Variants in CLEC4A observed in about 807,000 individuals in gnomAD.
The protein encoded by CLEC4A is C-type (calcium dependent, carbohydrate-recognition domain) lectin, superfamily member 6.
CLEC4A carries 27 observed loss-of-function variants against 32.7 expected under a neutral mutation model. The ratio of observed to expected loss-of-function variants is 0.83; its 90% CI spans 0.61 to 1.14. The LOEUF (loss-of-function observed/expected upper bound fraction) is 1.14. Among genes scored for constraint, CLEC4A ranks in the 50% most tolerant of loss-of-function variants. The probability of loss-of-function intolerance (pLI) is 0.00; values close to 1 mark genes in which losing one functional copy is unlikely to be tolerated. For missense variants in CLEC4A, 253 were observed against 274.6 expected (o/e 0.92, Z 0.55); for synonymous variants, 89 against 93.7 (o/e 0.95, Z 0.29).
the CLEC4A span, among the ~76,000 whole-genome samples, chr12:8,113,678 T>G: frequency 6.6e-6 from 1 of 152,214 alleles, no homozygotes; most frequent in Admixed American, 6.5e-5. Flanking sequence ...GATTTCTCTC[T>G]TCTTGGATCT....
Position 8,134,973 on chromosome 12 carries a change from G to GTTTTTTTTTTTTTTTT in CLEC4A, c.299-607_299-606insTTTTTTTTTTTTTTTT, listed in dbSNP as rs371181779. On this transcript the variant is annotated intron_variant, in intron 3 of 5. Coordinates refer to ENST00000229332, the MANE Select transcript of CLEC4A (RefSeq NM_016184.4). The stretch of plus-strand genomic sequence containing the variant: ...CATGTCTGTATCTTCTTGTTGAAGC[G>GTTTTTTTTTTTTTTTT]TTTTTGTTTTTTGTTTTTTTTTAAT... 2.3e-4 allele frequency: 74 copies of GTTTTTTTTTTTTTTTT among 318,778 alleles called. 6 individuals are homozygous for GTTTTTTTTTTTTTTTT. The highest frequency in any genetic ancestry group is 8.4e-4 in the African/African-American group (17 of 20,192). 19.7% of individuals were successfully genotyped at this position (318,778 alleles called of 1,614,324 possible).
At chr12:8,136,659 A>G in intron 4 of CLEC4A, 129 bp from the exon 5 acceptor site, 1 of 569,872 alleles carries the variant, frequency 1.8e-6, no homozygotes, top group East Asian at 2.9e-5. Flanking sequence ...AGAGATCCCC[A>G]TTCCTACGTA....
chr12:8,119,313 C>T (rs754383258), upstream of CLEC4A, among the ~76,000 whole-genome samples: 50 of 152,338 alleles, frequency 3.3e-4, no homozygotes, highest in Non-Finnish European at 5.9e-4. Flanking sequence ...CAACTTCTGC[C>T]TCCCAGGTTC....
intron 1 of CLEC4A, among the ~76,000 whole-genome samples, chr12:8,125,258 A>G (rs1947880875): frequency 6.6e-6 from 1 of 152,184 alleles, no homozygotes. Flanking sequence ...GAAAATTTGC[A>G]TATGTGTATA....
rs80299696 is a variant in CLEC4A at position 8,135,630 on chromosome 12, C to T, written c.344C>T (p.Ser115Phe). The T allele has an allele frequency of 6.2e-7, 1 of 1,614,176 alleles. No homozygotes were observed. The highest frequency in any genetic ancestry group is 2.2e-5 in the East Asian group (1 of 44,886). ...CCPKNWKSFS[S>F]NCYFISTESA... is the part of the protein sequence containing the mutation. ...CCAAAGAATTGGAAGTCATTTAGTT[C>T]CAACTGCTACTTTATTTCTACTGAA... The change falls in exon 4 of 6, where the codon TCC (serine) becomes TTC (phenylalanine). Residue 115 changes from serine (S) to phenylalanine (F), a missense_variant. Coordinates refer to ENST00000229332, the MANE Select transcript of CLEC4A (RefSeq NM_016184.4).
upstream of CLEC4A, among the ~76,000 whole-genome samples, chr12:8,118,854 G>T (rs1947809466): frequency 6.6e-6 from 1 of 152,154 alleles, no homozygotes; most frequent in East Asian, 1.9e-4. Flanking sequence ...CTTTGTGGAT[G>T]GAATTAAGGC....
chr12:8,117,181 A>G, the CLEC4A span, among the ~76,000 whole-genome samples: 3 of 150,860 alleles, frequency 2.0e-5, no homozygotes, highest in Non-Finnish European at 1.5e-5. Flanking sequence ...AGAAGCAACT[A>G]TTCTACTCTA....
rs1948047802 is a variant in CLEC4A at position 8,134,070 on chromosome 12, G to T, written c.299-1515G>T. The T allele has an allele frequency of 8.2e-6, 13 of 1,590,472 alleles. No homozygotes were observed. In the Admixed American group the frequency reaches 2.3e-4, roughly 28 times the overall value. On this transcript the variant is annotated intron_variant, in intron 3 of 5. Coordinates refer to ENST00000229332, the MANE Select transcript of CLEC4A (RefSeq NM_016184.4). ...TCCAGCCCAAGCTGCTGGGCGATGTGGCTGATCTGCTGCAGTGTGGGTTTC... is the reference window on the plus strand; with the variant it reads ...TCCAGCCCAAGCTGCTGGGCGATGTTGCTGATCTGCTGCAGTGTGGGTTTC...
chr12:8,124,095 G>A, intron 1 of CLEC4A, 135 bp downstream of exon 1: 1 of 654,310 alleles, frequency 1.5e-6, no homozygotes, highest in Middle Eastern at 2.5e-4. Context: ...AGTCCCAGAA[G>A]ATTGAGTGGC....
chr12:8,110,452 T>G, the CLEC4A span, among the ~76,000 whole-genome samples: 1 of 152,190 alleles, frequency 6.6e-6, no homozygotes, highest in Non-Finnish European at 1.5e-5. Context: ...ACCGATCTAA[T>G]TATATGCTGC....
chr12:8,134,129 C>G, intron 3 of CLEC4A: 1 of 1,602,416 alleles, frequency 6.2e-7, no homozygotes, highest in Non-Finnish European at 8.5e-7. Context: ...CAGGTTGCCT[C>G]TCACTTGGTT....
chr12:8,115,423 T>A, the CLEC4A span, among the ~76,000 whole-genome samples: 1 of 152,108 alleles, frequency 6.6e-6, no homozygotes, highest in Non-Finnish European at 1.5e-5. Context: ...AGTTCCCAGG[T>A]GATGTTGTTG....
chr12:8,116,307 G>T, the CLEC4A span, among the ~76,000 whole-genome samples: 18 of 152,020 alleles, frequency 1.2e-4, no homozygotes, highest in African/African-American at 4.3e-4. Context: ...TCACTATGTT[G>T]CCCAGGCTGG....
upstream of CLEC4A, among the ~76,000 whole-genome samples, chr12:8,120,598 C>A (rs1236844766): frequency 6.6e-6 from 1 of 152,190 alleles, no homozygotes; most frequent in Admixed American, 6.5e-5. Flanking sequence ...AGGTACCATA[C>A]CACACATGAC....
At chr12:8,117,315 T>G in the CLEC4A span, among the ~76,000 whole-genome samples, 2 of 151,990 alleles carry the variant, frequency 1.3e-5, no homozygotes. Context: ...CTCGGCTCAC[T>G]GCAACCTCTG....
At chr12:8,130,349 T>G (rs892604339) in intron 3 of CLEC4A, among the ~76,000 whole-genome samples, 1 of 152,032 alleles carries the variant, frequency 6.6e-6, no homozygotes, top group African/African-American at 2.4e-5. Context: ...TTATTTAAAT[T>G]ATTTAAATTA....
At chr12:8,125,533 G>A in intron 1 of CLEC4A, 28 bp from the exon 2 acceptor site, 1 of 1,361,434 alleles carries the variant, frequency 7.3e-7, no homozygotes, top group Non-Finnish European at 1.1e-6. Flanking sequence ...ACTTATTACT[G>A]ATAAAACTAA....
At chr12:8,134,992 T>TTTTTTTTTTTTTTTTTTTTTTTTTTG (rs1948080354) in intron 3 of CLEC4A, 1 of 267,928 alleles carries the variant, frequency 3.7e-6, no homozygotes, top group Non-Finnish European at 6.0e-6. Flanking sequence ...TTTTGTTTTT[T>TTTTTTTTTTTTTTTTTTTTTTTTTTG]TTTAATCATG....
chr12:8,115,760 C>A, the CLEC4A span, among the ~76,000 whole-genome samples: 1 of 151,692 alleles, frequency 6.6e-6, no homozygotes, highest in Non-Finnish European at 1.5e-5. Context: ...AAATAATATC[C>A]ACCAGATAAT....
Sources: gnomAD v4.1 joint callset for allele counts (sites outside exome capture counted in the v4.1 genomes callset) on GRCh38, gnomAD v4.1.1 for gene constraint, MANE v1.5 for transcripts, NCBI Gene and HGNC (gene_info 2026-07-23, HGNC 2026-07-21) for gene names.